The following SRPK2 variants were observed in gnomAD, a reference collection of about 807,000 sequenced individuals.
The protein encoded by SRPK2 is SRSF protein kinase 2, also known as SFRS protein kinase 2.
In SRPK2, 21 loss-of-function variants were observed where a neutral mutation model predicts 90.8. The ratio of observed to expected loss-of-function variants is 0.23; its 90% CI spans 0.16 to 0.33. SRPK2 has a LOEUF of 0.33. Among genes scored for constraint, SRPK2 ranks in the 10% least tolerant of loss-of-function variants. The pLI, the probability that SRPK2 is intolerant of heterozygous loss-of-function variation, is 1.00. For synonymous variants in SRPK2, 288 were observed against 311.1 expected, an observed-to-expected ratio of 0.93 and a Z score of 0.78; for missense variants, 620 against 869.0, an observed-to-expected ratio of 0.71 and a Z score of 3.60.
At chr7:105,251,210 AACTG>A (rs1204010309) in intron 2 of SRPK2, among the ~76,000 whole-genome samples, 1 of 152,176 alleles carries the variant, frequency 6.6e-6, no homozygotes, top group Admixed American at 6.5e-5. Flanking sequence ...CACCCCAAAA[AACTG>A]ACAGCCCTAA....
At chr7:105,353,643 G>C (rs1356984482) in intron 2 of SRPK2, among the ~76,000 whole-genome samples, 4 of 151,988 alleles carry the variant, frequency 2.6e-5, no homozygotes, top group Non-Finnish European at 5.9e-5. Context: ...TGGGATTACA[G>C]ACTGCCTTCA....
At chr7:105,139,115 T>C (rs780226834) in intron 11 of SRPK2, among the ~76,000 whole-genome samples, 22 of 152,114 alleles carry the variant, frequency 1.4e-4, no homozygotes, top group Non-Finnish European at 3.2e-4. Context: ...GGATGTACAC[T>C]CTCCACTGTG....
intron 15 of SRPK2, chr7:105,125,678 G>T (rs1801090514): frequency 2.5e-6 from 1 of 404,664 alleles, no homozygotes; most frequent in Non-Finnish European, 4.2e-6. Context: ...GAATTCCCCA[G>T]TTGTGAAACT....
chr7:105,354,830 A>T (rs1235493405), intron 2 of SRPK2, among the ~76,000 whole-genome samples: 1 of 152,118 alleles, frequency 6.6e-6, no homozygotes. Context: ...CCATTACCAA[A>T]ATCAATTTTA....
intron 2 of SRPK2, among the ~76,000 whole-genome samples, chr7:105,305,031 C>T (rs1359553158): frequency 6.6e-6 from 1 of 152,142 alleles, no homozygotes; most frequent in Non-Finnish European, 1.5e-5. Context: ...CATCTAGAAC[C>T]ACAGCAATAA....
chr7:105,269,204 T>A, intron 2 of SRPK2: 1 of 563,862 alleles, frequency 1.8e-6, no homozygotes, highest in Non-Finnish European at 2.2e-6. Flanking sequence ...ATCTTGAACA[T>A]CTGAATTAAA....
At chr7:105,312,437 C>CAAAAAA (rs61348366) in intron 2 of SRPK2, among the ~76,000 whole-genome samples, 50,164 of 84,856 alleles carry the variant, frequency 0.59, 17,108 homozygotes, top group South Asian at 0.73. Flanking sequence ...GAGACTCCGT[C>CAAAAAA]AAAAAAAAAA....
chr7:105,244,072 A>C lies in SRPK2; in HGVS notation c.72-40287T>G, dbSNP rs3779207. 1.9e-3 allele frequency among the ~76,000 whole-genome samples: 296 copies of C among 152,314 alleles called. 5 individuals are homozygous for C. The East Asian group carries it at 0.053, about 27-fold the overall frequency. On this transcript the variant is annotated intron_variant, in intron 2 of 15. Coordinates refer to ENST00000393651, the MANE Select transcript of SRPK2 (RefSeq NM_182692.3). ...CCATAAAGAAGCCCCACGAGGGCTG[A>C]AGAGCTGGCAGGGGTAGAGGGCCCA...
intron 2 of SRPK2, among the ~76,000 whole-genome samples, chr7:105,247,902 C>G (rs1311548757): frequency 1.3e-5 from 2 of 148,938 alleles, no homozygotes; most frequent in African/African-American, 2.5e-5. Flanking sequence ...CAGAGTTTCA[C>G]TCTTGGTGCC....
At chr7:105,153,885 G>T (rs908818887) in intron 7 of SRPK2, among the ~76,000 whole-genome samples, 7 of 152,142 alleles carry the variant, frequency 4.6e-5, no homozygotes, top group Non-Finnish European at 2.9e-5. Context: ...GGGGTTCTCC[G>T]CAAGCCTAGA....
chr7:105,389,339 C>A, upstream of SRPK2: 4 of 1,278,764 alleles, frequency 3.1e-6, no homozygotes, highest in South Asian at 1.3e-5. Flanking sequence ...CCTCTTCTCT[C>A]CCTTTGCTCC....
intron 2 of SRPK2, among the ~76,000 whole-genome samples, chr7:105,228,449 A>G (rs1798990840): frequency 1.3e-5 from 2 of 152,366 alleles, no homozygotes; most frequent in South Asian, 4.1e-4. Context: ...AACTTGAAAG[A>G]TGAAATAAAA....
intron 3 of SRPK2, among the ~76,000 whole-genome samples, chr7:105,175,404 T>G (rs912219833): frequency 1.3e-4 from 20 of 152,110 alleles, no homozygotes; most frequent in African/African-American, 4.8e-4. Context: ...TTTATAGCAC[T>G]AAATGCCTAT....
At chr7:105,280,838 T>C (rs1807197398) in intron 2 of SRPK2, among the ~76,000 whole-genome samples, 1 of 149,208 alleles carries the variant, frequency 6.7e-6, no homozygotes, top group Admixed American at 6.8e-5. Context: ...TCCCAGCTAC[T>C]CAGGAGGCTG....
At chr7:105,393,567 A>C (rs1244733744), upstream of SRPK2, among the ~76,000 whole-genome samples, 1 of 131,750 alleles carries the variant, frequency 7.6e-6, no homozygotes, top group African/African-American at 2.9e-5. Flanking sequence ...GACAAAAATT[A>C]CTGTCACTAT....
chr7:105,372,123 A>C (rs1026865865), intron 2 of SRPK2, among the ~76,000 whole-genome samples: 2 of 143,526 alleles, frequency 1.4e-5, no homozygotes, highest in African/African-American at 5.2e-5. Flanking sequence ...TGACAGAGCA[A>C]GACTCCAACT....
At chr7:105,133,223 C>A in intron 11 of SRPK2, 119 bp from the exon 12 acceptor site, 1 of 866,742 alleles carries the variant, frequency 1.2e-6, no homozygotes, top group African/African-American at 1.7e-5. Context: ...TCACTTAGGC[C>A]TGGAATACTG....
intron 3 of SRPK2, among the ~76,000 whole-genome samples, chr7:105,196,130 G>C (rs1472254734): frequency 6.6e-6 from 1 of 152,098 alleles, no homozygotes; most frequent in Non-Finnish European, 1.5e-5. Flanking sequence ...GAATCTCCTT[G>C]GTCTCCATAA....
At chr7:105,335,439 T>C (rs530189616) in intron 2 of SRPK2, among the ~76,000 whole-genome samples, 1 of 149,326 alleles carries the variant, frequency 6.7e-6, no homozygotes, top group Non-Finnish European at 1.5e-5. Flanking sequence ...GCAGGAGAAC[T>C]GGATGAGCCT....
Sources: allele counts gnomAD v4.1 joint callset (sites outside exome capture counted in the v4.1 genomes callset), GRCh38; gene constraint gnomAD v4.1.1; transcripts MANE v1.5; gene names NCBI Gene and HGNC (gene_info 2026-07-23, HGNC 2026-07-21).